SUGCT: variants seen among roughly 807,000 people sequenced by gnomAD.
The protein encoded by SUGCT is succinyl-CoA:glutarate-CoA transferase.
A neutral mutation model predicts 55.0 loss-of-function variants in SUGCT; 41 were observed. The observed-to-expected ratio is 0.74, with a 90% CI of 0.58 to 0.97. The LOEUF is 0.97. Ranked by LOEUF, SUGCT falls within the 50% of genes least tolerant of loss-of-function variation. The pLI is 0.00. For synonymous variants in SUGCT, 187 were observed against 200.4 expected (o/e 0.93, Z 0.56); for missense variants, 568 against 547.8 (o/e 1.04, Z -0.37).
At chr7:40,326,867 A>G (rs978058872) in intron 9 of SUGCT, among the ~76,000 whole-genome samples, 3 of 152,254 alleles carry the variant, frequency 2.0e-5, no homozygotes, top group Non-Finnish European at 2.9e-5. Context: ...CCTTTGTAAG[A>G]GCAAAAAATT....
the SUGCT span, among the ~76,000 whole-genome samples, chr7:40,997,459 T>A: frequency 6.6e-6 from 1 of 152,084 alleles, no homozygotes; most frequent in Non-Finnish European, 1.5e-5. Flanking sequence ...TGCCTAACAT[T>A]CTAAGCTTTG....
At chr7:40,815,619 G>A (rs1791631437) in intron 13 of SUGCT, among the ~76,000 whole-genome samples, 1 of 152,198 alleles carries the variant, frequency 6.6e-6, no homozygotes, top group South Asian at 2.1e-4. Context: ...GCCTGGGCAT[G>A]GAGCAGAAAG....
chr7:40,765,867 C>T (rs1377862666), intron 13 of SUGCT, among the ~76,000 whole-genome samples: 3 of 152,158 alleles, frequency 2.0e-5, no homozygotes, highest in East Asian at 1.9e-4. Flanking sequence ...ACCACAAGGC[C>T]CCTTCCTGTT....
intron 13 of SUGCT, among the ~76,000 whole-genome samples, chr7:40,771,998 G>T (rs993139753): frequency 2.0e-5 from 3 of 152,076 alleles, no homozygotes; most frequent in African/African-American, 7.2e-5. Context: ...TAAAACTAGG[G>T]TGACCATATG....
chr7:40,146,832 G>A (rs1788272789), intron 1 of SUGCT, among the ~76,000 whole-genome samples: 1 of 152,192 alleles, frequency 6.6e-6, no homozygotes, highest in Admixed American at 6.5e-5. Flanking sequence ...AGACAACAAG[G>A]TGGTATTGGA....
intron 12 of SUGCT, among the ~76,000 whole-genome samples, chr7:40,677,254 C>G (rs956652855): frequency 6.6e-6 from 1 of 152,182 alleles, no homozygotes; most frequent in East Asian, 1.9e-4. Context: ...GACGTGTTCT[C>G]TAAAGCACCC....
At chr7:40,492,961 A>C (rs1354203226) in intron 11 of SUGCT, among the ~76,000 whole-genome samples, 1 of 152,224 alleles carries the variant, frequency 6.6e-6, no homozygotes, top group Non-Finnish European at 1.5e-5. Flanking sequence ...ATCGGGAATG[A>C]ATGTGTATCA....
chr7:40,594,634 T>A (rs1160119284), intron 12 of SUGCT, among the ~76,000 whole-genome samples: 1 of 152,194 alleles, frequency 6.6e-6, no homozygotes, highest in African/African-American at 2.4e-5. Flanking sequence ...ACCATGAACT[T>A]CTTCCAGGAT....
At chr7:40,966,489 A>C in the SUGCT span, 1 of 152,158 alleles carries the variant, frequency 6.6e-6, no homozygotes, top group Non-Finnish European at 1.5e-5. Flanking sequence ...TCCTGTGACA[A>C]AAGTTGTCTG....
chr7:40,972,050 C>A, the SUGCT span, among the ~76,000 whole-genome samples: 1 of 151,944 alleles, frequency 6.6e-6, no homozygotes, highest in Non-Finnish European at 1.5e-5. Flanking sequence ...TGGAACCATG[C>A]AGAAATTTTA....
intron 11 of SUGCT, among the ~76,000 whole-genome samples, chr7:40,470,761 C>CTCTT: frequency 6.6e-6 from 1 of 151,990 alleles, no homozygotes; most frequent in South Asian, 2.1e-4. Context: ...CTCTCTCTCT[C>CTCTT]TCTCTCTCTC....
the SUGCT span, among the ~76,000 whole-genome samples, chr7:40,954,889 T>C: frequency 6.6e-6 from 1 of 152,218 alleles, no homozygotes; most frequent in African/African-American, 2.4e-5. Context: ...ATTTATTAAA[T>C]AGGGAATCCT....
intron 12 of SUGCT, among the ~76,000 whole-genome samples, chr7:40,618,962 C>T (rs923120567): frequency 6.6e-6 from 1 of 152,158 alleles, no homozygotes; most frequent in African/African-American, 2.4e-5. Context: ...TGGACACTCT[C>T]CTAATTAGAG....
At chr7:40,526,357 T>C (rs1793795929) in intron 12 of SUGCT, among the ~76,000 whole-genome samples, 1 of 152,174 alleles carries the variant, frequency 6.6e-6, no homozygotes, top group Admixed American at 6.5e-5. Flanking sequence ...CTGTTAACTG[T>C]TTTCACCATC....
chr7:40,458,990 C>A, intron 10 of SUGCT, 111 bp from the exon 11 acceptor site: 1 of 667,586 alleles, frequency 1.5e-6, no homozygotes, highest in Non-Finnish European at 2.6e-6. Flanking sequence ...GGCATAAAGA[C>A]CAGCAAGGAA....
intron 9 of SUGCT, among the ~76,000 whole-genome samples, chr7:40,368,626 C>T (rs908047883): frequency 5.3e-5 from 8 of 152,162 alleles, no homozygotes; most frequent in East Asian, 1.9e-4. Context: ...CTTCATTGAA[C>T]GTATACCTAG....
chr7:40,967,856 A>C, the SUGCT span, among the ~76,000 whole-genome samples: 1 of 152,148 alleles, frequency 6.6e-6, no homozygotes, highest in Middle Eastern at 3.2e-3. Flanking sequence ...TCTCCAACGC[A>C]GTGAATTCTT....
At chr7:40,360,596 T>C (rs372192974) in intron 9 of SUGCT, among the ~76,000 whole-genome samples, 3 of 152,104 alleles carry the variant, frequency 2.0e-5, no homozygotes, top group East Asian at 1.9e-4. Flanking sequence ...GATATGGCCA[T>C]GCGTGGAAGG....
At chr7:40,140,220 A>G (rs1295464977) in intron 1 of SUGCT, among the ~76,000 whole-genome samples, 2 of 151,918 alleles carry the variant, frequency 1.3e-5, no homozygotes, top group East Asian at 3.9e-4. Flanking sequence ...ATTTTTTTAT[A>G]TGGTGAGATA....
Sources: gnomAD v4.1 joint callset for allele counts (sites outside exome capture counted in the v4.1 genomes callset) on GRCh38, gnomAD v4.1.1 for gene constraint, MANE v1.5 for transcripts, NCBI Gene and HGNC (gene_info 2026-07-23, HGNC 2026-07-21) for gene names.